Variants in PLCL1 observed in about 807,000 individuals in gnomAD.
PLCL1 encodes phospholipase C like 1 (inactive).
A neutral mutation model predicts 84.4 loss-of-function variants in PLCL1; 41 were observed. The ratio of observed to expected loss-of-function variants is 0.49; its 90% confidence interval spans 0.38 to 0.63. The LOEUF is 0.63. Ranked by LOEUF, PLCL1 falls within the 30% of genes least tolerant of loss-of-function variation. PLCL1 has a pLI of 0.00. For synonymous variants in PLCL1, 490 were observed against 488.3 expected (o/e 1.00, Z -0.05); for missense variants, 1,206 against 1,367.8 (o/e 0.88, Z 1.87).
chr2:197,905,756 G>A (rs916049779), intron 1 of PLCL1, among the ~76,000 whole-genome samples: 35 of 152,066 alleles, frequency 2.3e-4, no homozygotes, highest in African/African-American at 1.2e-4. Context: ...CCTAATAATC[G>A]CCATTCTAAC....
chr2:197,884,445 C>T (rs1687882694), intron 1 of PLCL1, among the ~76,000 whole-genome samples: 1 of 152,160 alleles, frequency 6.6e-6, no homozygotes, highest in African/African-American at 2.4e-5. Flanking sequence ...AATATAACCT[C>T]ACGTAGCAAC....
At chr2:197,966,611 G>T (rs1192265479) in intron 1 of PLCL1, among the ~76,000 whole-genome samples, 1 of 152,140 alleles carries the variant, frequency 6.6e-6, no homozygotes, top group Non-Finnish European at 1.5e-5. Flanking sequence ...TGCAGCTGCT[G>T]CAGGGGATGG....
At chr2:197,989,754 G>A (rs2105811613) in intron 1 of PLCL1, among the ~76,000 whole-genome samples, 1 of 152,184 alleles carries the variant, frequency 6.6e-6, no homozygotes, top group South Asian at 2.1e-4. Flanking sequence ...TTTTGGGATG[G>A]ATTACTTTCA....
At chr2:197,936,347 C>T (rs1283299327) in intron 1 of PLCL1, among the ~76,000 whole-genome samples, 1 of 152,098 alleles carries the variant, frequency 6.6e-6, no homozygotes, top group African/African-American at 2.4e-5. Flanking sequence ...CATTGTTTTC[C>T]ATAGTGGCTA....
chr2:198,147,019 T>G lies in PLCL1; in HGVS notation c.*57T>G. 2 of 1,400,114 alleles carry G rather than the reference T, an allele frequency of 1.4e-6. No homozygotes were observed. Among genetic ancestry groups the G allele is most frequent in the Non-Finnish European group, 1.9e-6 (2 of 1,041,238 alleles). 86.7% of individuals were successfully genotyped at this position (1,400,114 alleles called of 1,614,324 possible). Reference sequence around the variant, plus strand: ...TATCAAGGACTCTGGTTTCTCATTCTTGTTTTCTTTCTTTAAATGTTTTAT... The same window carrying G: ...TATCAAGGACTCTGGTTTCTCATTCGTGTTTTCTTTCTTTAAATGTTTTAT... On this transcript the variant is annotated 3_prime_UTR_variant, in exon 6 of 6. Transcript: ENST00000428675.
intron 1 of PLCL1, among the ~76,000 whole-genome samples, chr2:197,863,992 T>C (rs1031359046): frequency 3.3e-5 from 5 of 152,180 alleles, no homozygotes; most frequent in African/African-American, 1.2e-4. Flanking sequence ...CCAGTGCTTC[T>C]TTCTCTATTT....
At chr2:197,975,837 C>T (rs1349273217) in intron 1 of PLCL1, among the ~76,000 whole-genome samples, 1 of 151,960 alleles carries the variant, frequency 6.6e-6, no homozygotes, top group Non-Finnish European at 1.5e-5. Context: ...ACAACAACAA[C>T]GACAACAGAA....
rs779679180 is a variant in PLCL1 at position 198,148,778 on chromosome 2, A to G, written c.*1816A>G. On this transcript the variant is annotated 3_prime_UTR_variant, in exon 6 of 6. Transcript: ENST00000428675. ...GTACCTCTTCATCTACTTGAATTCT[A>G]TTTGGTAAATCCATGTCTTTACTGG... 2.0e-5 allele frequency: 3 copies of G among 152,298 alleles called. No individual in the cohort carries two copies. Among genetic ancestry groups the G allele is most frequent in the Non-Finnish European group, 2.9e-5 (2 of 68,036 alleles). The allele number at this position is 152,298 out of a possible 1,614,324, so 9.4% of individuals were successfully genotyped here.
intron 5 of PLCL1, among the ~76,000 whole-genome samples, chr2:198,140,603 C>G (rs1025762612): frequency 2.0e-5 from 3 of 152,068 alleles, no homozygotes; most frequent in Non-Finnish European, 4.4e-5. Context: ...AAAAGAAGAT[C>G]TTTCAAATTT....
chr2:197,827,376 GTA>G (rs113570813), intron 1 of PLCL1, among the ~76,000 whole-genome samples: 5 of 150,402 alleles, frequency 3.3e-5, no homozygotes, highest in Admixed American at 6.7e-5. Flanking sequence ...ATATATATGT[GTA>G]TATATATATA....
At chr2:198,061,920 A>G (rs1692213671) in intron 1 of PLCL1, among the ~76,000 whole-genome samples, 1 of 152,180 alleles carries the variant, frequency 6.6e-6, no homozygotes, top group Admixed American at 6.5e-5. Flanking sequence ...ATAAGGGTCA[A>G]TAGGTACGTT....
At chr2:198,003,373 C>T (rs1317444511) in intron 1 of PLCL1, among the ~76,000 whole-genome samples, 1 of 152,120 alleles carries the variant, frequency 6.6e-6, no homozygotes, top group Non-Finnish European at 1.5e-5. Flanking sequence ...AACAGTTCTG[C>T]ACTTATGAGC....
At chr2:197,899,960 G>A (rs988331973) in intron 1 of PLCL1, among the ~76,000 whole-genome samples, 2 of 152,162 alleles carry the variant, frequency 1.3e-5, no homozygotes, top group African/African-American at 4.8e-5. Flanking sequence ...TACCAAGAAT[G>A]TTCTTCCTGT....
intron 1 of PLCL1, among the ~76,000 whole-genome samples, chr2:197,880,575 C>G (rs1300281155): frequency 6.6e-6 from 1 of 152,056 alleles, no homozygotes; most frequent in African/African-American, 2.4e-5. Context: ...CTTTCCTGGA[C>G]TATAAGGAAA....
At chr2:197,961,009 A>G (rs1689609715) in intron 1 of PLCL1, among the ~76,000 whole-genome samples, 1 of 152,086 alleles carries the variant, frequency 6.6e-6, no homozygotes, top group South Asian at 2.1e-4. Flanking sequence ...AATGTTTCCA[A>G]ATTTTATTTT....
chr2:198,072,355 G>A (rs1241729011), intron 1 of PLCL1, among the ~76,000 whole-genome samples: 1 of 149,110 alleles, frequency 6.7e-6, no homozygotes, highest in Admixed American at 6.7e-5. Flanking sequence ...ACTTTTACTG[G>A]TTTTAATAAG....
At chr2:198,128,523 C>T (rs909273541) in intron 5 of PLCL1, among the ~76,000 whole-genome samples, 13 of 152,192 alleles carry the variant, frequency 8.5e-5, no homozygotes, top group Non-Finnish European at 1.5e-4. Context: ...TGTCTTCTTG[C>T]GCTTAGTCCG....
intron 5 of PLCL1, among the ~76,000 whole-genome samples, chr2:198,120,431 T>C (rs1693841745): frequency 6.6e-6 from 1 of 152,046 alleles, no homozygotes; most frequent in South Asian, 2.1e-4. Flanking sequence ...TCTAACTTCT[T>C]TTTGTACCCA....
chr2:198,013,059 C>G (rs889592416), intron 1 of PLCL1, among the ~76,000 whole-genome samples: 2 of 151,998 alleles, frequency 1.3e-5, no homozygotes, highest in African/African-American at 4.8e-5. Context: ...TTTATCATTA[C>G]TTTTTATGCT....
Sources: gnomAD v4.1 joint callset for allele counts (sites outside exome capture counted in the v4.1 genomes callset) on GRCh38, gnomAD v4.1.1 for gene constraint, MANE v1.5 for transcripts, NCBI Gene and HGNC (gene_info 2026-07-23, HGNC 2026-07-21) for gene names.